The following SGIP1 variants were observed in gnomAD, a reference collection of about 807,000 sequenced individuals.
SGIP1 encodes the protein SH3-containing GRB2-like protein 3-interacting protein 1.
A neutral mutation model predicts 107.5 loss-of-function variants in SGIP1; 38 were observed. That is an observed-to-expected ratio of 0.35 (90% CI 0.27 to 0.46). The LOEUF (loss-of-function observed/expected upper bound fraction) is 0.46, where lower values mean the gene tolerates loss of function less well. Among genes scored for constraint, SGIP1 ranks in the 20% least tolerant of loss-of-function variants. The probability of loss-of-function intolerance (pLI) is 1.00; values close to 1 mark genes in which losing one functional copy is unlikely to be tolerated. For synonymous variants in SGIP1, 365 were observed against 366.1 expected (o/e 1.00, Z 0.03); for missense variants, 929 against 1,019.5 (o/e 0.91, Z 1.21).
chr1:66,690,341 A>G, intron 17 of SGIP1, 25 bp downstream of exon 17: 4 of 1,613,196 alleles, frequency 2.5e-6, no homozygotes, highest in Non-Finnish European at 3.4e-6. Flanking sequence ...CTCTCTTTTA[A>G]TCCGTTTGTG....
At chr1:66,600,531 T>G (rs1244076034) in intron 1 of SGIP1, among the ~76,000 whole-genome samples, 2 of 152,190 alleles carry the variant, frequency 1.3e-5, no homozygotes, top group Non-Finnish European at 2.9e-5. Flanking sequence ...TTATGTTTTA[T>G]CCCGAAGCAC....
At chr1:66,689,052 A>G (rs112966251) in intron 15 of SGIP1, 96 bp from the exon 16 acceptor site, 2 of 1,303,030 alleles carry the variant, frequency 1.5e-6, no homozygotes, top group African/African-American at 1.5e-5. Context: ...CAAGGCAAAA[A>G]AAAAAAAAAA....
intron 1 of SGIP1, among the ~76,000 whole-genome samples, chr1:66,577,344 C>T (rs2061205619): frequency 6.6e-6 from 1 of 152,132 alleles, no homozygotes; most frequent in Non-Finnish European, 1.5e-5. Context: ...CATATAAACT[C>T]CTTAAAAGAA....
At chr1:66,667,694 T>G (rs1447643801) in intron 9 of SGIP1, among the ~76,000 whole-genome samples, 153 bp downstream of exon 9, 3 of 152,228 alleles carry the variant, frequency 2.0e-5, no homozygotes, top group Non-Finnish European at 4.4e-5. Flanking sequence ...CTGACCCTCT[T>G]AAGTATCAAG....
intron 1 of SGIP1, among the ~76,000 whole-genome samples, chr1:66,601,513 A>G (rs1052421344): frequency 4.6e-5 from 7 of 151,886 alleles, no homozygotes; most frequent in Admixed American, 2.0e-4. Context: ...GTTTTTGAGT[A>G]TGTGCATGTG....
chr1:66,621,013 A>G (rs1032797156), intron 1 of SGIP1, among the ~76,000 whole-genome samples: 16 of 152,186 alleles, frequency 1.1e-4, no homozygotes, highest in African/African-American at 3.6e-4. Flanking sequence ...AGATGCCCGC[A>G]TGGATGGAGC....
intron 18 of SGIP1, among the ~76,000 whole-genome samples, chr1:66,717,822 A>T (rs546211089): frequency 3.3e-5 from 5 of 152,330 alleles, no homozygotes; most frequent in African/African-American, 1.2e-4. Context: ...CAATATATGT[A>T]AAACACTTAG....
At chr1:66,554,591 T>C (rs924534688) in intron 1 of SGIP1, among the ~76,000 whole-genome samples, 5 of 152,140 alleles carry the variant, frequency 3.3e-5, no homozygotes, top group Admixed American at 2.0e-4. Context: ...CTTTGTTTCA[T>C]GGACAAAATT....
chr1:66,542,018 C>A, intron 1 of SGIP1, among the ~76,000 whole-genome samples: 1 of 152,058 alleles, frequency 6.6e-6, no homozygotes, highest in East Asian at 1.9e-4. Flanking sequence ...GGTAATCCTC[C>A]CTTATCTGCA....
intron 2 of SGIP1, among the ~76,000 whole-genome samples, chr1:66,629,160 A>G (rs1474595175): frequency 6.6e-6 from 1 of 152,180 alleles, no homozygotes; most frequent in African/African-American, 2.4e-5. Context: ...GGGCTGCTAC[A>G]ACTCACTGTG....
At chr1:66,660,421 G>C (rs1237690211) in intron 7 of SGIP1, 92 bp from the exon 8 acceptor site, 1 of 1,240,848 alleles carries the variant, frequency 8.1e-7, no homozygotes, top group Admixed American at 1.7e-5. Context: ...CTTAAGTAAG[G>C]TTATCCTGAA....
chr1:66,614,516 T>C (rs1404607334), intron 1 of SGIP1, among the ~76,000 whole-genome samples: 1 of 152,222 alleles, frequency 6.6e-6, no homozygotes, highest in East Asian at 1.9e-4. Context: ...TTAGAGCATA[T>C]ACTGCATATT....
chr1:66,742,881 G>A (rs187662914), intron 24 of SGIP1, among the ~76,000 whole-genome samples, 192 bp from the exon 25 acceptor site: 354 of 152,294 alleles, frequency 2.3e-3, no homozygotes, highest in African/African-American at 8.1e-3. Flanking sequence ...GAAATGTGAA[G>A]AGGCAACTAG....
intron 3 of SGIP1, chr1:66,633,993 T>C: frequency 1.6e-6 from 2 of 1,248,220 alleles, no homozygotes; most frequent in East Asian, 2.5e-5. Flanking sequence ...GCCTTTTGCC[T>C]TCATGTGGTT....
chr1:66,659,954 GAAA>G (rs2080622480), intron 7 of SGIP1, among the ~76,000 whole-genome samples: 2 of 16,412 alleles, frequency 1.2e-4, no homozygotes, highest in Admixed American at 1.1e-3. Context: ...GAAAGAAAAA[GAAA>G]GAAAGAAAGA....
intron 1 of SGIP1, among the ~76,000 whole-genome samples, chr1:66,562,338 A>T (rs1360882200): frequency 6.6e-6 from 1 of 152,040 alleles, no homozygotes; most frequent in Non-Finnish European, 1.5e-5. Context: ...TATTTGCTAG[A>T]TGAGGGTTTC....
At chr1:66,573,759 G>T (rs2060701962) in intron 1 of SGIP1, among the ~76,000 whole-genome samples, 1 of 152,054 alleles carries the variant, frequency 6.6e-6, no homozygotes, top group South Asian at 2.1e-4. Context: ...CTATCACTGA[G>T]CAGAGGGTTG....
intron 2 of SGIP1, among the ~76,000 whole-genome samples, chr1:66,632,738 CAGCTAGAGTG>C (rs2075035274): frequency 6.6e-6 from 1 of 151,778 alleles, no homozygotes; most frequent in Non-Finnish European, 1.5e-5. Context: ...GACAGTTAGC[CAGCTAGAGTG>C]GGATAGTTTT....
Position 66,671,016 on chromosome 1 carries a change from TC to T in SGIP1, c.507del (p.Ser170ValfsTer17). ...CTAGGGTGCAATTAAAAGGAACTTA[TC>T]CAGTAAGTATATCTTAGCTACCAGA... ...RSPGAIKRNLSSEEVARPRRS... is the reference protein window; with the variant it reads ...RSPGAIKRNLXSEEVARPRRS... On this transcript the variant is annotated frameshift_variant and splice_region_variant, in exon 10 of 25. Transcript: ENST00000371037. LOFTEE classifies it high-confidence loss of function. 7.2e-7 allele frequency: 1 copy of T among 1,394,974 alleles called. No individual in the cohort carries two copies. Among genetic ancestry groups the T allele is most frequent in the Non-Finnish European group, 9.9e-7 (1 of 1,009,464 alleles). 86.4% of individuals were successfully genotyped at this position (1,394,974 alleles called of 1,614,324 possible). A position where few individuals can be genotyped will look rare whatever the true frequency, so the allele number is the denominator to read the frequency against.
Sources: allele counts gnomAD v4.1 joint callset (sites outside exome capture counted in the v4.1 genomes callset), GRCh38; gene constraint gnomAD v4.1.1; transcripts MANE v1.5; gene names NCBI Gene and HGNC (gene_info 2026-07-23, HGNC 2026-07-21).